TAFA1: variants seen among roughly 807,000 people sequenced by gnomAD.
TAFA1 encodes chemokine-like protein TAFA-1.
In TAFA1, 4 loss-of-function variants were observed where a neutral mutation model predicts 18.5. The observed-to-expected ratio is 0.22, with a 90% confidence interval of 0.11 to 0.49. The LOEUF is 0.49. Ranked by LOEUF, TAFA1 falls within the 20% of genes least tolerant of loss-of-function variation. TAFA1 has a pLI of 0.98. For missense variants in TAFA1, 147 were observed against 169.0 expected (o/e 0.87, Z 0.72); for synonymous variants, 56 against 55.2 (o/e 1.01, Z -0.06).
At chr3:68,409,430 T>G (rs890864928) in intron 2 of TAFA1, among the ~76,000 whole-genome samples, 1 of 151,838 alleles carries the variant, frequency 6.6e-6, no homozygotes, top group Admixed American at 6.6e-5. Context: ...GTTCTCATGA[T>G]GGTGGGGGAG....
intron 2 of TAFA1, among the ~76,000 whole-genome samples, chr3:68,349,976 CCAGTTTACTT>C (rs1431865523): frequency 6.6e-6 from 1 of 152,078 alleles, no homozygotes; most frequent in East Asian, 1.9e-4. Context: ...AACTCCCAAC[CCAGTTTACTT>C]CAGTCGTTAG....
At chr3:68,142,487 G>T (rs187169172) in intron 2 of TAFA1, among the ~76,000 whole-genome samples, 1 of 152,322 alleles carries the variant, frequency 6.6e-6, no homozygotes, top group East Asian at 1.9e-4. Context: ...CTGTGCATGT[G>T]CAGTCCTTGA....
intron 3 of TAFA1, among the ~76,000 whole-genome samples, chr3:68,459,681 A>C (rs1017926170): frequency 2.6e-5 from 4 of 152,228 alleles, no homozygotes; most frequent in African/African-American, 9.6e-5. Flanking sequence ...AACGAATGAT[A>C]AAATCAATAC....
chr3:68,323,546 T>A (rs2068726057), intron 2 of TAFA1, among the ~76,000 whole-genome samples: 1 of 152,212 alleles, frequency 6.6e-6, no homozygotes, highest in South Asian at 2.1e-4. Flanking sequence ...TCCTCGTATG[T>A]GTAACTCTGT....
At position 68,339,508 on chromosome 3, in the gene TAFA1, A is replaced by G. The variant is rs541118996; in HGVS notation, c.119-77772A>G. On this transcript the variant is annotated intron_variant, in intron 2 of 4. Transcript: ENST00000478136. ...TTTTGAAGACATTATATTAATATAT[A>G]CTACATGAGAAACAGAGGCAATCTG... 3.3e-5 allele frequency among the ~76,000 whole-genome samples: 5 copies of G among 152,328 alleles called. No individual in the cohort carries two copies. The South Asian group carries it at 8.3e-4, about 25-fold the overall frequency.
intron 2 of TAFA1, among the ~76,000 whole-genome samples, chr3:68,138,816 T>C (rs977855864): frequency 6.6e-6 from 1 of 152,176 alleles, no homozygotes; most frequent in Non-Finnish European, 1.5e-5. Context: ...CTCTTGATAG[T>C]TGGTTTTCAT....
chr3:68,136,320 T>C (rs2065605700), intron 2 of TAFA1, among the ~76,000 whole-genome samples: 2 of 152,148 alleles, frequency 1.3e-5, no homozygotes, highest in African/African-American at 4.8e-5. Context: ...TAGGGTTCGG[T>C]TAAATATGCA....
At chr3:68,260,334 G>A (rs548184360) in intron 2 of TAFA1, among the ~76,000 whole-genome samples, 33 of 152,144 alleles carry the variant, frequency 2.2e-4, no homozygotes, top group African/African-American at 7.2e-4. Context: ...GCTGAATTTG[G>A]TTTGCCAGTA....
chr3:68,420,567 A>G (rs1338830029), intron 3 of TAFA1, among the ~76,000 whole-genome samples: 1 of 152,104 alleles, frequency 6.6e-6, no homozygotes, highest in Admixed American at 6.6e-5. Flanking sequence ...GTTTGGGGAT[A>G]TACTGGGACT....
At chr3:68,011,478 TAGG>T (rs973987700) in intron 2 of TAFA1, among the ~76,000 whole-genome samples, 1 of 152,196 alleles carries the variant, frequency 6.6e-6, no homozygotes, top group Non-Finnish European at 1.5e-5. Flanking sequence ...CATTTTAAAG[TAGG>T]ATATTTTTGT....
intron 2 of TAFA1, among the ~76,000 whole-genome samples, chr3:68,094,404 C>T (rs80206519): frequency 0.011 from 1,678 of 152,130 alleles, 30 homozygotes; most frequent in African/African-American, 0.038. Flanking sequence ...ATTATATTCC[C>T]GGAGGTATCT....
intron 2 of TAFA1, among the ~76,000 whole-genome samples, chr3:68,303,850 C>T (rs4855324): frequency 0.026 from 3,921 of 152,096 alleles, 93 homozygotes; most frequent in East Asian, 0.099. Context: ...GCCAGGAAAC[C>T]GCAGCCCTTT....
chr3:68,347,812 C>T (rs1334671978), intron 2 of TAFA1, among the ~76,000 whole-genome samples: 1 of 152,112 alleles, frequency 6.6e-6, no homozygotes, highest in Admixed American at 6.6e-5. Context: ...TGGAAGGGTA[C>T]ATCTTTATTT....
intron 3 of TAFA1, among the ~76,000 whole-genome samples, chr3:68,437,879 G>A (rs920143636): frequency 2.0e-5 from 3 of 152,046 alleles, no homozygotes; most frequent in Non-Finnish European, 2.9e-5. Flanking sequence ...GTCTTAACTT[G>A]TTCTAGCACC....
chr3:68,426,608 C>T (rs1286321429), intron 3 of TAFA1, among the ~76,000 whole-genome samples: 1 of 151,668 alleles, frequency 6.6e-6, no homozygotes, highest in African/African-American at 2.4e-5. Flanking sequence ...TGGTAATATC[C>T]AGACTTAAGG....
At chr3:68,105,117 A>C (rs2065189481) in intron 2 of TAFA1, among the ~76,000 whole-genome samples, 2 of 152,072 alleles carry the variant, frequency 1.3e-5, no homozygotes, top group African/African-American at 4.8e-5. Flanking sequence ...TCTCATGTGA[A>C]TCTTCATAGG....
intron 2 of TAFA1, among the ~76,000 whole-genome samples, chr3:68,326,884 A>G (rs17047516): frequency 0.01 from 1,561 of 152,308 alleles, 22 homozygotes; most frequent in African/African-American, 0.036. Context: ...ATCTTTAAAT[A>G]GAGAGTTCCA....
intron 2 of TAFA1, among the ~76,000 whole-genome samples, chr3:68,067,212 C>T (rs893633788): frequency 6.6e-6 from 1 of 152,136 alleles, no homozygotes; most frequent in Non-Finnish European, 1.5e-5. Context: ...GTTTTGAATT[C>T]CATGGCTATC....
chr3:68,251,667 A>G (rs1365582559), intron 2 of TAFA1, among the ~76,000 whole-genome samples: 8 of 152,176 alleles, frequency 5.3e-5, no homozygotes, highest in Non-Finnish European at 1.0e-4. Flanking sequence ...TTTCAGGTGG[A>G]AGAACCATCA....
Sources: allele counts gnomAD v4.1 joint callset (sites outside exome capture counted in the v4.1 genomes callset), GRCh38; gene constraint gnomAD v4.1.1; transcripts MANE v1.5; gene names NCBI Gene and HGNC (gene_info 2026-07-23, HGNC 2026-07-21).